Variants in PPARG observed in about 807,000 individuals in gnomAD.
PPARG encodes peroxisome proliferator activated receptor gamma, also known as peroxisome proliferator-activated receptor gamma.
In PPARG, 17 loss-of-function variants were observed where a neutral mutation model predicts 39.2. The ratio of observed to expected loss-of-function variants is 0.43; its 90% CI spans 0.30 to 0.65. The LOEUF is 0.65. PPARG is among the 30% of genes least tolerant of loss of function. PPARG has a pLI of 0.13. For synonymous variants in PPARG, 223 were observed against 215.7 expected (o/e 1.03, Z -0.30); for missense variants, 406 against 585.9 (o/e 0.69, Z 3.17).
intron 5 of PPARG, among the ~76,000 whole-genome samples, chr3:12,398,150 C>A (rs547484648): frequency 8.1e-5 from 12 of 147,816 alleles, no homozygotes; most frequent in African/African-American, 3.0e-4. Flanking sequence ...AGAGAGTGAT[C>A]AGATACATAT....
At chr3:12,367,995 A>C (rs950490267) in intron 2 of PPARG, among the ~76,000 whole-genome samples, 1 of 152,078 alleles carries the variant, frequency 6.6e-6, no homozygotes, top group African/African-American at 2.4e-5. Flanking sequence ...AGAAATTTGC[A>C]TCTAAAGATA....
chr3:12,316,085 C>G (rs1471620703), intron 2 of PPARG, among the ~76,000 whole-genome samples: 1 of 152,102 alleles, frequency 6.6e-6, no homozygotes, highest in Non-Finnish European at 1.5e-5. Flanking sequence ...TAAAGGAAAT[C>G]AATGACAGCA....
intron 2 of PPARG, among the ~76,000 whole-genome samples, chr3:12,353,245 A>G (rs1454303390): frequency 6.6e-6 from 1 of 152,202 alleles, no homozygotes; most frequent in African/African-American, 2.4e-5. Flanking sequence ...TTAGCAATTA[A>G]AACATTATAT....
At position 12,434,153 on chromosome 3, in the gene PPARG, T is replaced by G. The variant is rs767783588; in HGVS notation, c.*8T>G. 1.2e-6 allele frequency: 2 copies of G among 1,614,052 alleles called. No homozygotes were observed. The highest frequency in any genetic ancestry group is 4.5e-5 in the East Asian group (2 of 44,886). On this transcript the variant is annotated 3_prime_UTR_variant, in exon 8 of 8. Transcript: ENST00000651735. This position sits in a 1 kb window ranked among gnomAD's most constrained non-coding sequence, Gnocchi z 4.2. ...TACAAGGACTTGTACTAGCAGAGAG[T>G]CCTGAGCCACTGCCAACATTTCCCT...
chr3:12,287,822 A>ACCCCCG (rs2046542095), upstream of PPARG: 9 of 18,654 alleles, frequency 4.8e-4, no homozygotes, highest in African/African-American at 1.3e-3. Flanking sequence ...CCCCGCCCCC[A>ACCCCCG]CCCCCACCCC....
chr3:12,315,387 A>G (rs185345044), intron 2 of PPARG, among the ~76,000 whole-genome samples: 15 of 152,304 alleles, frequency 9.8e-5, no homozygotes, highest in Non-Finnish European at 2.2e-4. Flanking sequence ...GCTTCAGTGT[A>G]TCAACACTGA....
chr3:12,348,520 C>A (rs1379908934), intron 2 of PPARG, among the ~76,000 whole-genome samples: 1 of 152,230 alleles, frequency 6.6e-6, no homozygotes, highest in African/African-American at 2.4e-5. Context: ...ATTATAGAAT[C>A]ATTCCTCATT....
intron 2 of PPARG, chr3:12,328,209 C>T: frequency 6.7e-7 from 1 of 1,492,524 alleles, no homozygotes; most frequent in Non-Finnish European, 9.3e-7. Flanking sequence ...AAAGTCCTAC[C>T]TGGAGCGGAG....
At chr3:12,308,370 A>G (rs34758352) in intron 1 of PPARG, among the ~76,000 whole-genome samples, 2 of 83,708 alleles carry the variant, frequency 2.4e-5, no homozygotes, top group African/African-American at 1.0e-4. Flanking sequence ...AAAAAAAAAA[A>G]GGGAGAAACT....
intron 2 of PPARG, among the ~76,000 whole-genome samples, chr3:12,369,025 G>A (rs146210474): frequency 1.3e-5 from 2 of 152,260 alleles, no homozygotes; most frequent in East Asian, 1.9e-4. Flanking sequence ...TTAAAAGATA[G>A]TGAATTTTAG....
At chr3:12,362,254 T>C (rs1254217846) in intron 2 of PPARG, among the ~76,000 whole-genome samples, 2 of 152,138 alleles carry the variant, frequency 1.3e-5, no homozygotes, top group African/African-American at 2.4e-5. Flanking sequence ...TGGTGGCTCA[T>C]GCCTGTAATC....
chr3:12,417,902 C>CTTTTTTCTTTTT (rs2051131086), intron 7 of PPARG, among the ~76,000 whole-genome samples: 1 of 65,900 alleles, frequency 1.5e-5, no homozygotes, highest in Non-Finnish European at 2.7e-5. Context: ...TTTTTTTTTC[C>CTTTTTTCTTTTT]TTTTTTTTTT....
intron 1 of PPARG, among the ~76,000 whole-genome samples, chr3:12,299,789 A>C (rs2046882506): frequency 6.6e-6 from 1 of 152,184 alleles, no homozygotes; most frequent in Non-Finnish European, 1.5e-5. Flanking sequence ...TTAACATCAA[A>C]AAAACTTTTT....
chr3:12,340,934 C>T (rs992935231), intron 2 of PPARG, among the ~76,000 whole-genome samples: 1 of 152,136 alleles, frequency 6.6e-6, no homozygotes, highest in Admixed American at 6.5e-5. Context: ...CCTATAATCC[C>T]AGCACTTTGG....
chr3:12,365,311 A>G (rs2048979137), intron 2 of PPARG, among the ~76,000 whole-genome samples: 2 of 152,168 alleles, frequency 1.3e-5, no homozygotes, highest in Admixed American at 6.5e-5. Flanking sequence ...GTACAGATAC[A>G]TTCTCCCCAT....
At chr3:12,392,303 A>G (rs998022661) in intron 4 of PPARG, among the ~76,000 whole-genome samples, 7 of 152,208 alleles carry the variant, frequency 4.6e-5, no homozygotes, top group African/African-American at 1.7e-4. Context: ...TTTGCATTAC[A>G]TTAAATCCAG....
At chr3:12,346,874 G>C (rs770896672) in intron 2 of PPARG, among the ~76,000 whole-genome samples, 1 of 151,968 alleles carries the variant, frequency 6.6e-6, no homozygotes, top group African/African-American at 2.4e-5. Flanking sequence ...GGGCTCAAGG[G>C]ATCCTCTTGC....
chr3:12,369,008 A>G (rs551357714), intron 2 of PPARG, among the ~76,000 whole-genome samples: 1 of 152,360 alleles, frequency 6.6e-6, no homozygotes, highest in South Asian at 2.1e-4. Context: ...ATGGAAAGAT[A>G]TTATAATTAA....
intron 2 of PPARG, among the ~76,000 whole-genome samples, chr3:12,313,798 A>C (rs1279096492): frequency 5.3e-5 from 8 of 152,224 alleles, no homozygotes. Context: ...CTGATTTATA[A>C]ATAAAATGTA....
Sources: gnomAD v4.1 joint callset for allele counts (sites outside exome capture counted in the v4.1 genomes callset) on GRCh38, gnomAD v4.1.1 for gene constraint, Gnocchi (gnomAD v3.1) non-coding constraint, MANE v1.5 for transcripts, NCBI Gene and HGNC (gene_info 2026-07-23, HGNC 2026-07-21) for gene names.